The following LRRC9 variants were observed in gnomAD, a reference collection of about 807,000 sequenced individuals.
LRRC9 encodes the protein leucine-rich repeat-containing protein 9.
Under a neutral mutation model 63.2 loss-of-function variants are expected in LRRC9, and 122 were observed. The ratio of observed to expected loss-of-function variants is 1.93; its 90% CI spans 1.67 to 2.24. The LOEUF is 2.24. Ranked by LOEUF, LRRC9 falls within the 30% of genes most tolerant of loss-of-function variation. The probability of loss-of-function intolerance (pLI) is 0.00; values close to 1 mark genes in which losing one functional copy is unlikely to be tolerated. For synonymous variants in LRRC9, 366 were observed against 213.1 expected (o/e 1.72, Z -6.25); for missense variants, 1,071 against 627.7 (o/e 1.71, Z -7.55).
chr14:59,995,766 C>T (rs1039049598), intron 17 of LRRC9, among the ~76,000 whole-genome samples: 3 of 151,052 alleles, frequency 2.0e-5, no homozygotes, highest in East Asian at 3.9e-4. Flanking sequence ...GTTTTTGAGA[C>T]GGAATGTTGC....
intron 6 of LRRC9, among the ~76,000 whole-genome samples, chr14:59,934,789 A>C (rs1889998996): frequency 6.6e-6 from 1 of 152,212 alleles, no homozygotes; most frequent in South Asian, 2.1e-4. Flanking sequence ...ACATCATAAA[A>C]TTAAAACAAA....
intron 8 of LRRC9, among the ~76,000 whole-genome samples, chr14:59,953,818 A>T (rs751534555): frequency 1.3e-5 from 2 of 152,128 alleles, no homozygotes; most frequent in African/African-American, 2.4e-5. Flanking sequence ...TCTTTGATTC[A>T]TCTTGAGTTA....
Position 59,966,939 on chromosome 14 carries a change from T to C in LRRC9, c.1389-157T>C, listed in dbSNP as rs1190585721. ...CCTCATAATTTATCCACATTGAGCC[T>C]GTTTTTGAGGTTGAAGGCAGGGGAG... On this transcript the variant is annotated intron_variant, in intron 11 of 31. Coordinates refer to ENST00000445360, the Ensembl canonical transcript of LRRC9. This position sits in a 1 kb window ranked among gnomAD's most constrained non-coding sequence, Gnocchi z 4.0. Among the ~76,000 whole-genome samples, 1 of 152,242 alleles carries C rather than the reference T, an allele frequency of 6.6e-6. No individual in the cohort carries two copies. The highest frequency in any genetic ancestry group is 1.5e-5 in the Non-Finnish European group (1 of 68,036).
chr14:60,048,536 C>A lies in LRRC9; in HGVS notation c.3991-4529C>A, dbSNP rs1893627909. Among the ~76,000 whole-genome samples the A allele has an allele frequency of 2.6e-5, 4 of 152,022 alleles. No individual in the cohort carries two copies. In the South Asian group the frequency reaches 8.3e-4, roughly 31 times the overall value. On this transcript the variant is annotated intron_variant, in intron 29 of 31. Transcript: ENST00000445360. ...CCTCTATGCACATGAACTAGAAAATCTAGAAGAAATGGATAAATTCCTGGA... is the reference window on the plus strand; with the variant it reads ...CCTCTATGCACATGAACTAGAAAATATAGAAGAAATGGATAAATTCCTGGA...
At chr14:60,007,055 T>C (rs1235265653) in intron 22 of LRRC9, among the ~76,000 whole-genome samples, 1 of 152,220 alleles carries the variant, frequency 6.6e-6, no homozygotes, top group Non-Finnish European at 1.5e-5. Flanking sequence ...AGGGTTTCTA[T>C]AGCACAGAAC....
intron 23 of LRRC9, among the ~76,000 whole-genome samples, chr14:60,009,450 G>A (rs775645820): frequency 6.6e-5 from 10 of 152,126 alleles, no homozygotes; most frequent in Non-Finnish European, 1.5e-4. Context: ...TCACTATCGC[G>A]AGAACAGCGT....
intron 12 of LRRC9, chr14:59,969,204 A>G (rs950882021): frequency 1.3e-5 from 2 of 152,086 alleles, no homozygotes; most frequent in African/African-American, 4.8e-5. Context: ...ATTTGACACT[A>G]TTGGTTGCCT....
intron 16 of LRRC9, among the ~76,000 whole-genome samples, chr14:59,982,280 T>C (rs950749064): frequency 2.6e-5 from 4 of 152,276 alleles, no homozygotes; most frequent in Non-Finnish European, 4.4e-5. Flanking sequence ...CTAGTAGCTA[T>C]GTTTTTAAAA....
chr14:60,009,526 T>C (rs1768573108), intron 23 of LRRC9, among the ~76,000 whole-genome samples: 1 of 152,194 alleles, frequency 6.6e-6, no homozygotes, highest in Admixed American at 6.5e-5. Context: ...TGGGGATTAT[T>C]ACAATTCAAG....
chr14:60,022,854 A>C (rs1387718262), exon 27 of LRRC9: 2 of 674,912 alleles, frequency 3.0e-6, no homozygotes, highest in Non-Finnish European at 5.4e-6. Context: ...GAAATTTAAA[A>C]TTCCTCTTTC....
chr14:60,043,549 T>C (rs1469520865), intron 29 of LRRC9, among the ~76,000 whole-genome samples: 2 of 152,176 alleles, frequency 1.3e-5, no homozygotes, highest in Non-Finnish European at 2.9e-5. Context: ...GAAATAATCA[T>C]ATGGTTTTTG....
At chr14:59,989,427 A>G (rs935278317) in intron 17 of LRRC9, among the ~76,000 whole-genome samples, 1 of 146,004 alleles carries the variant, frequency 6.8e-6, no homozygotes, top group African/African-American at 2.5e-5. Context: ...TTTTTTATTC[A>G]CTCTTGGATA....
At chr14:59,980,838 G>A (rs1247501835) in intron 15 of LRRC9, among the ~76,000 whole-genome samples, 2 of 152,160 alleles carry the variant, frequency 1.3e-5, no homozygotes, top group Non-Finnish European at 2.9e-5. Flanking sequence ...AACAACTCAA[G>A]AGATGGGCAA....
chr14:60,006,181 A>T (rs1889793625), intron 21 of LRRC9, among the ~76,000 whole-genome samples: 1 of 152,120 alleles, frequency 6.6e-6, no homozygotes, highest in African/African-American at 2.4e-5. Context: ...TCTACTTAGA[A>T]ATCCAAAATT....
chr14:60,024,926 TTC>T (rs1891410218), intron 27 of LRRC9, among the ~76,000 whole-genome samples: 1 of 152,020 alleles, frequency 6.6e-6, no homozygotes, highest in African/African-American at 2.4e-5. Flanking sequence ...GTATTTGATT[TTC>T]TGTTTCTGAG....
chr14:60,001,885 G>A (rs1889398092), intron 19 of LRRC9, 81 bp from the exon 20 acceptor site: 1 of 436,202 alleles, frequency 2.3e-6, no homozygotes, highest in Admixed American at 4.1e-5. Flanking sequence ...CATCTTCCCT[G>A]GAAACAATAA....
chr14:60,041,150 C>T (rs1203282434), intron 29 of LRRC9, among the ~76,000 whole-genome samples: 1 of 151,996 alleles, frequency 6.6e-6, no homozygotes, highest in African/African-American at 2.4e-5. Flanking sequence ...ATGGGCTTCC[C>T]TTTGTGGGTA....
Position 60,042,023 on chromosome 14 carries a change from C to G in LRRC9, c.3990+9960C>G, listed in dbSNP as rs757878278. Reference sequence around the variant, plus strand: ...AGTTTGCTGGAGGTCCACTCCAGACCCTGTTTGCCTGGGTATCACCAGCGG... The same window carrying G: ...AGTTTGCTGGAGGTCCACTCCAGACGCTGTTTGCCTGGGTATCACCAGCGG... On this transcript the variant is annotated intron_variant, in intron 29 of 31. Transcript: ENST00000445360. The surrounding 1 kb of genome is among the most constrained non-coding windows in gnomAD (Gnocchi z 4.2). 1.3e-5 allele frequency among the ~76,000 whole-genome samples: 2 copies of G among 152,118 alleles called. No homozygotes were observed. The highest frequency in any genetic ancestry group is 4.8e-5 in the African/African-American group (2 of 41,394).
At chr14:59,995,025 A>G (rs551959918) in intron 17 of LRRC9, among the ~76,000 whole-genome samples, 1 of 152,268 alleles carries the variant, frequency 6.6e-6, no homozygotes, top group South Asian at 2.1e-4. Flanking sequence ...AAAAGAAAAT[A>G]AATGTATCGT....
Sources: gnomAD v4.1 joint callset for allele counts (sites outside exome capture counted in the v4.1 genomes callset) on GRCh38, gnomAD v4.1.1 for gene constraint, Gnocchi (gnomAD v3.1) non-coding constraint, MANE v1.5 for transcripts, NCBI Gene and HGNC (gene_info 2026-07-23, HGNC 2026-07-21) for gene names.